CACNG8: variants seen among roughly 807,000 people sequenced by gnomAD.
CACNG8 encodes voltage-dependent calcium channel gamma-8 subunit.
Under a neutral mutation model 26.9 loss-of-function variants are expected in CACNG8, and 5 were observed. The observed-to-expected ratio is 0.19, with a 90% CI of 0.10 to 0.39. The LOEUF is 0.39. Among genes scored for constraint, CACNG8 ranks in the 10% least tolerant of loss-of-function variants. The probability of loss-of-function intolerance (pLI) is 1.00; values close to 1 mark genes in which losing one functional copy is unlikely to be tolerated. For synonymous variants in CACNG8, 321 were observed against 296.7 expected (o/e 1.08, Z -0.84); for missense variants, 473 against 609.4 (o/e 0.78, Z 2.36).
rs2069384036 is a variant in CACNG8 at position 53,982,992 on chromosome 19, C to T, written c.*143C>T. ...GGGCCCGCCCCACGCCCACCCTCCC[C>T]GCCCCCCTCCCCCTCCGAAGCAGGG... On this transcript the variant is annotated 3_prime_UTR_variant, in exon 4 of 4. Transcript: ENST00000270458. This position sits in a 1 kb window ranked among gnomAD's most constrained non-coding sequence, Gnocchi z 8.4. 2 of 406,552 alleles carry T rather than the reference C, an allele frequency of 4.9e-6. No homozygotes were observed. The highest frequency in any genetic ancestry group is 2.3e-4 in the South Asian group (2 of 8,526). The allele number at this position is 406,552 out of a possible 1,614,324, so 25.2% of individuals were successfully genotyped here.
At chr19:53,978,781 T>C (rs866533751) in intron 2 of CACNG8, among the ~76,000 whole-genome samples, 184 of 6,396 alleles carry the variant, frequency 0.029, no homozygotes, top group Middle Eastern at 0.22. Context: ...GGGCGGGGAG[T>C]GGGGGCGGGG....
At chr19:53,967,416 G>C (rs2069277467) in intron 1 of CACNG8, among the ~76,000 whole-genome samples, 1 of 152,192 alleles carries the variant, frequency 6.6e-6, no homozygotes, top group Non-Finnish European at 1.5e-5. Flanking sequence ...GTCCTATAAA[G>C]TGCCATATAG....
At chr19:53,969,909 A>C (rs1056551294) in intron 1 of CACNG8, among the ~76,000 whole-genome samples, 12 of 151,986 alleles carry the variant, frequency 7.9e-5, no homozygotes, top group Non-Finnish European at 1.0e-4. Flanking sequence ...AGGCGGGTGG[A>C]TCACCTGAGG....
intron 1 of CACNG8, 46 bp downstream of exon 1, chr19:53,963,471 G>A (rs780974320): frequency 2.1e-6 from 3 of 1,421,466 alleles, no homozygotes; most frequent in Non-Finnish European, 2.7e-6. Context: ...GCTCCCCTCC[G>A]AGAGACCCTG....
chr19:53,967,059 C>T lies in CACNG8; in HGVS notation c.283+3634C>T, dbSNP rs116442148. Among the ~76,000 whole-genome samples, 1,098 of 152,138 alleles carry T rather than the reference C, an allele frequency of 7.2e-3. 12 individuals carry two copies. Among genetic ancestry groups the T allele is most frequent in the African/African-American group, 0.025 (1,052 of 41,486 alleles). ...GGTGGATAATTCTGTGTGGAGGGGC[C>T]GTCCTATGCATTGTAGGATGCTGAG... On this transcript the variant is annotated intron_variant, in intron 1 of 3. Coordinates refer to ENST00000270458, the MANE Select transcript of CACNG8 (RefSeq NM_031895.6).
chr19:53,979,650 GAA>G (rs2069352169), intron 2 of CACNG8, among the ~76,000 whole-genome samples: 1 of 152,104 alleles, frequency 6.6e-6, no homozygotes, highest in Non-Finnish European at 1.5e-5. Flanking sequence ...AAAGGACAAA[GAA>G]AAAGAGGGAG....
chr19:53,967,942 T>A (rs994685092), intron 1 of CACNG8, among the ~76,000 whole-genome samples: 1 of 152,178 alleles, frequency 6.6e-6, no homozygotes, highest in African/African-American at 2.4e-5. Flanking sequence ...CATTCTTAGC[T>A]GGATTTGGCC....
intron 1 of CACNG8, among the ~76,000 whole-genome samples, chr19:53,976,271 T>C (rs1600032218): frequency 6.6e-6 from 1 of 152,196 alleles, no homozygotes; most frequent in East Asian, 1.9e-4. Flanking sequence ...GGAGGACCAC[T>C]TGAGCCCAGG....
At chr19:53,966,062 A>C (rs1212674115) in intron 1 of CACNG8, among the ~76,000 whole-genome samples, 1 of 151,760 alleles carries the variant, frequency 6.6e-6, no homozygotes, top group Non-Finnish European at 1.5e-5. Context: ...CCCATCCCAC[A>C]GGTTCTGTTT....
At chr19:53,974,361 A>G (rs369635495) in intron 1 of CACNG8, among the ~76,000 whole-genome samples, 54 of 152,272 alleles carry the variant, frequency 3.5e-4, no homozygotes, top group African/African-American at 1.3e-3. Flanking sequence ...TCATCTGTCA[A>G]CGGGCACTGG....
chr19:53,982,021 G>C lies in CACNG8; in HGVS notation c.509-59G>C, dbSNP rs2069371767. ...GCGCAGGCGGGCAGGGGTCGGGGCC[G>C]GGGGCGGGGGCGGGGCCGGGGGTGG... is the stretch of plus-strand genomic sequence containing the variant. On this transcript the variant is annotated intron_variant, in intron 3 of 3. Coordinates refer to ENST00000270458, the MANE Select transcript of CACNG8 (RefSeq NM_031895.6). The surrounding 1 kb of genome is among the most constrained non-coding windows in gnomAD (Gnocchi z 8.4). The C allele has an allele frequency of 9.4e-6, 14 of 1,493,614 alleles. No individual in the cohort carries two copies. Among genetic ancestry groups the C allele is most frequent in the South Asian group, 6.3e-5 (5 of 78,754 alleles). The allele number at this position is 1,493,614 out of a possible 1,614,324, so 92.5% of individuals were successfully genotyped here.
chr19:53,972,029 G>A (rs1027854026), intron 1 of CACNG8, among the ~76,000 whole-genome samples: 1 of 152,134 alleles, frequency 6.6e-6, no homozygotes, highest in Non-Finnish European at 1.5e-5. Context: ...CTGTCCCCCA[G>A]GCTGGAGTGC....
Position 53,979,861 on chromosome 19 carries a change from C to T in CACNG8, c.368-6C>T, listed in dbSNP as rs749888350. 7.8e-5 allele frequency: 125 copies of T among 1,596,488 alleles called. No individual in the cohort carries two copies. Among genetic ancestry groups the T allele is most frequent in the Non-Finnish European group, 4.9e-5 (57 of 1,169,658 alleles). On this transcript the variant is annotated splice_region_variant and splice_polypyrimidine_tract_variant and intron_variant, in intron 2 of 3. Transcript: ENST00000270458. ...CCCTCCTTTTCCTTTCCTTCCTCCC[C>T]CGCAGGAGTTGTCCGGGCCTCCAGC...
chr19:53,980,084 G>A (rs1403318118), intron 3 of CACNG8, 77 bp downstream of exon 3: 2 of 1,360,666 alleles, frequency 1.5e-6, no homozygotes, highest in East Asian at 2.8e-5. Flanking sequence ...GTGTGTGTGT[G>A]TGCGCGCGCG....
chr19:53,982,444 C>G lies in CACNG8; in HGVS notation c.873C>G (p.Pro291=), dbSNP rs577312704. The G allele has an allele frequency of 9.4e-5, 142 of 1,517,456 alleles. 2 individuals carry two copies. In the South Asian group the frequency reaches 1.7e-3, roughly 18 times the overall value. The allele number at this position is 1,517,456 out of a possible 1,614,324, so 94.0% of individuals were successfully genotyped here. ...CGTCGCCGTCGCGGGACGCGTCTCC[C>G]GGCGGCCCCGGGGGCCCGGGCTTTG... Residue 291 remains proline (P), a synonymous_variant, in exon 4 of 4, where the codon CCC becomes CCG. Coordinates refer to ENST00000270458, the MANE Select transcript of CACNG8 (RefSeq NM_031895.6). The surrounding 1 kb of genome is among the most constrained non-coding windows in gnomAD (Gnocchi z 8.4).
chr19:53,981,586 G>GGGCTATCT (rs1462854426), intron 3 of CACNG8, among the ~76,000 whole-genome samples: 6 of 150,360 alleles, frequency 4.0e-5, no homozygotes, highest in Admixed American at 6.6e-5. Flanking sequence ...GGTGGGCCGT[G>GGGCTATCT]GGCTATCTGG....
At chr19:53,976,624 CATTA>C (rs1244898143) in intron 1 of CACNG8, among the ~76,000 whole-genome samples, 1 of 152,264 alleles carries the variant, frequency 6.6e-6, no homozygotes, top group African/African-American at 2.4e-5. Context: ...TATATTCATT[CATTA>C]ATTCATTCAT....
In CACNG8 at chr19:53,983,241, G is replaced by A. The variant is rs1267588691; in HGVS notation, c.*392G>A. On this transcript the variant is annotated 3_prime_UTR_variant, in exon 4 of 4. Transcript: ENST00000270458. ...TCCTGGAGAGGGGCCCATAATACAC[G>A]AATACATAGTTACACCCACAAACTA... is the stretch of plus-strand genomic sequence containing the variant. 6.5e-6 allele frequency: 1 copy of A among 153,460 alleles called. No individual in the cohort carries two copies. The highest frequency in any genetic ancestry group is 1.9e-4 in the East Asian group (1 of 5,252). The allele number at this position is 153,460 out of a possible 1,614,324, so 9.5% of individuals were successfully genotyped here.
At position 53,982,726 on chromosome 19, in the gene CACNG8, C is replaced by G. The variant is rs1302612233; in HGVS notation, c.1155C>G (p.Thr385=). ...GCGGCGGCGTCACGGTCACGGTCACCGGGCCGCCCGCCCCGCCCGCGCCCG... is the reference window on the plus strand; with the variant it reads ...GCGGCGGCGTCACGGTCACGGTCACGGGGCCGCCCGCCCCGCCCGCGCCCG... Residue 385 remains threonine (T), a synonymous_variant, in exon 4 of 4, where the codon ACC becomes ACG. Coordinates refer to ENST00000270458, the MANE Select transcript of CACNG8 (RefSeq NM_031895.6). This position sits in a 1 kb window ranked among gnomAD's most constrained non-coding sequence, Gnocchi z 8.4. 2 of 1,179,174 alleles carry G rather than the reference C, an allele frequency of 1.7e-6. No individual in the cohort carries two copies. 73.0% of individuals were successfully genotyped at this position (1,179,174 alleles called of 1,614,324 possible). A position where few individuals can be genotyped will look rare whatever the true frequency, so the allele number is the denominator to read the frequency against.
Sources: gnomAD v4.1 joint callset for allele counts (sites outside exome capture counted in the v4.1 genomes callset) on GRCh38, gnomAD v4.1.1 for gene constraint, Gnocchi (gnomAD v3.1) non-coding constraint, MANE v1.5 for transcripts, NCBI Gene and HGNC (gene_info 2026-07-23, HGNC 2026-07-21) for gene names.